SORL1: variants seen among roughly 807,000 people sequenced by gnomAD.
SORL1 encodes sortilin related receptor 1.
Under a neutral mutation model 273.7 loss-of-function variants are expected in SORL1, and 127 were observed. The ratio of observed to expected loss-of-function variants is 0.46; its 90% CI spans 0.40 to 0.54. The LOEUF is 0.54. Ranked by LOEUF, SORL1 falls within the 20% of genes least tolerant of loss-of-function variation. SORL1 has a pLI of 0.00. For synonymous variants in SORL1, 1,031 were observed against 1,067.4 expected, an observed-to-expected ratio of 0.97 and a Z score of 0.66; for missense variants, 2,494 against 2,846.1, an observed-to-expected ratio of 0.88 and a Z score of 2.81.
At chr11:121,558,459 A>T (rs978358167) in intron 19 of SORL1, 132 bp from the exon 20 acceptor site, 1 of 895,946 alleles carries the variant, frequency 1.1e-6, no homozygotes. Flanking sequence ...TTGTCATTAC[A>T]TATTGTTATA....
At chr11:121,484,643 C>A (rs1456276600) in intron 3 of SORL1, among the ~76,000 whole-genome samples, 1 of 151,734 alleles carries the variant, frequency 6.6e-6, no homozygotes, top group Non-Finnish European at 1.5e-5. Flanking sequence ...TCAAGTTTTG[C>A]GTATAGTAAA....
intron 25 of SORL1, among the ~76,000 whole-genome samples, chr11:121,582,126 G>C (rs1863022934): frequency 6.6e-6 from 1 of 152,230 alleles, no homozygotes; most frequent in African/African-American, 2.4e-5. Flanking sequence ...GGTCCTTGGA[G>C]AGATGGGAAG....
rs552722652 is a variant in SORL1 at position 121,546,186 on chromosome 11, G to A, written c.2051+757G>A. 5.3e-5 allele frequency among the ~76,000 whole-genome samples: 8 copies of A among 152,324 alleles called. No homozygotes were observed. The East Asian group carries it at 1.5e-3, about 29-fold the overall frequency. On this transcript the variant is annotated intron_variant, in intron 14 of 47. Transcript: ENST00000260197. ...GATGCCTTGTTGGGTGTATGACATG[G>A]GGATGACAATTGGAGATGAGGCTGA...
At chr11:121,509,489 T>A (rs1256136537) in intron 6 of SORL1, among the ~76,000 whole-genome samples, 4 of 152,206 alleles carry the variant, frequency 2.6e-5, no homozygotes, top group African/African-American at 9.6e-5. Context: ...TTATTTATTT[T>A]TTTTCTGAGA....
At chr11:121,559,741 A>G in intron 21 of SORL1, 84 bp downstream of exon 21, 1 of 1,287,936 alleles carries the variant, frequency 7.8e-7, no homozygotes, top group Non-Finnish European at 1.1e-6. Context: ...TCAGAGTAGG[A>G]GCTGGCAGCC....
At chr11:121,586,699 G>GC (rs1863118579) in intron 27 of SORL1, among the ~76,000 whole-genome samples, 1 of 10,520 alleles carries the variant, frequency 9.5e-5, no homozygotes, top group Non-Finnish European at 3.9e-4. Flanking sequence ...AGAGTGGGGG[G>GC]GGGGGCGGGG....
At chr11:121,541,465 C>G (rs1214182858) in intron 12 of SORL1, among the ~76,000 whole-genome samples, 3 of 152,192 alleles carry the variant, frequency 2.0e-5, no homozygotes, top group African/African-American at 7.2e-5. Context: ...CTGCCTTGGC[C>G]TCCCAAAGTG....
rs557271511 is a variant in SORL1, at chr11:121,622,787, A to T, written c.6171+519A>T. Among the ~76,000 whole-genome samples, 10 of 152,378 alleles carry T rather than the reference A, an allele frequency of 6.6e-5. No individual in the cohort carries two copies. In the East Asian group the frequency reaches 1.9e-3, roughly 29 times the overall value. On this transcript the variant is annotated intron_variant, in intron 45 of 47. Transcript: ENST00000260197. ...TGTTTGGTTTTGCTATTGGTAGGCC[A>T]ATATGGTATTCACAGCAAAAGACAG... is the stretch of plus-strand genomic sequence containing the variant.
At chr11:121,456,748 G>A (rs1281837011) in intron 1 of SORL1, among the ~76,000 whole-genome samples, 1 of 152,148 alleles carries the variant, frequency 6.6e-6, no homozygotes, top group East Asian at 1.9e-4. Flanking sequence ...CTTCCAACAA[G>A]CTCTCTCTTC....
In SORL1 at chr11:121,554,045, C is replaced by T; in HGVS notation, c.2375C>T (p.Ala792Val). The T allele has an allele frequency of 6.2e-7, 1 of 1,614,190 alleles. No individual in the cohort carries two copies. Among genetic ancestry groups the T allele is most frequent in the Non-Finnish European group, 8.5e-7 (1 of 1,180,022 alleles). The change falls in exon 17 of 48, where the codon GCC becomes GTC. Residue 792 changes from alanine to valine, a missense_variant. Around this residue, in one of 3 missense-constraint regions of SORL1, gnomAD observed 710 missense variants for 882.5 expected, o/e 0.80. Transcript: ENST00000260197. The surrounding 1 kb of genome is among the most constrained non-coding windows in gnomAD (Gnocchi z 4.6). The part of the protein sequence containing the change: ...LPLTGLRAAV[A>V]LDFDYEHNCL... ...CTCACCGGGCTACGGGCAGCAGTGG[C>T]CCTGGACTTTGACTATGAGCACAAC...
At chr11:121,541,210 T>TTTG (rs1555069250) in intron 12 of SORL1, among the ~76,000 whole-genome samples, 2 of 151,280 alleles carry the variant, frequency 1.3e-5, no homozygotes, top group Non-Finnish European at 2.9e-5. Context: ...TATCTTTTTT[T>TTTG]TTTTTTTTTA....
intron 2 of SORL1, among the ~76,000 whole-genome samples, chr11:121,471,195 C>T (rs1190372442): frequency 4.6e-5 from 7 of 152,112 alleles, no homozygotes; most frequent in East Asian, 1.9e-4. Flanking sequence ...CTTTGGGGAC[C>T]GGGAGAAGCA....
intron 32 of SORL1, among the ~76,000 whole-genome samples, chr11:121,597,419 A>T (rs1317577172): frequency 6.6e-6 from 1 of 150,754 alleles, no homozygotes; most frequent in Non-Finnish European, 1.5e-5. Context: ...GGCATTGATC[A>T]GGTTTCTGGC....
At chr11:121,467,726 A>G (rs1452936584) in intron 1 of SORL1, among the ~76,000 whole-genome samples, 10 of 152,148 alleles carry the variant, frequency 6.6e-5, no homozygotes, top group Admixed American at 5.2e-4. Context: ...AGAGGAGGAA[A>G]AGGGAAGGCT....
At position 121,469,159 on chromosome 11, in the gene SORL1, G is replaced by C. The variant is rs186988201; in HGVS notation, c.286-848G>C. ...TGGGGCTTTGGAGTCCTCTGAATGC[G>C]GCCTGCGGATGGGGAAAGAAAAGAG... On this transcript the variant is annotated intron_variant, in intron 1 of 47. Coordinates refer to ENST00000260197, the MANE Select transcript of SORL1 (RefSeq NM_003105.6). 9.6e-4 allele frequency among the ~76,000 whole-genome samples: 146 copies of C among 152,264 alleles called. 1 individual carries two copies. Among genetic ancestry groups the C allele is most frequent in the Non-Finnish European group, 1.9e-3 (131 of 68,032 alleles).
intron 22 of SORL1, among the ~76,000 whole-genome samples, chr11:121,569,236 C>T (rs1442448078): frequency 6.6e-6 from 1 of 152,100 alleles, no homozygotes; most frequent in African/African-American, 2.4e-5. Context: ...GCCTCAGGAC[C>T]CTGTGATGAT....
rs776011442 is a variant in SORL1, at chr11:121,577,320, C to A, written c.3500C>A (p.Ser1167Tyr). The A allele has an allele frequency of 2.5e-6, 4 of 1,613,104 alleles. No individual in the cohort carries two copies. The highest frequency in any genetic ancestry group is 3.4e-6 in the Non-Finnish European group (4 of 1,179,500). ...CGGAGTGACGAGTACAACTGCAGTT[C>A]CGGCATGTGCATCCGCTCCTCCTGG... ...QCRSDEYNCS[S>Y]GMCIRSSWVC... is the part of the protein sequence containing the mutation. The change falls in exon 25 of 48, where the codon TCC (serine) becomes TAC (tyrosine). Residue 1167 changes from serine to tyrosine, a missense_variant. This residue lies in a region of SORL1 where 1,609 missense variants were observed against 1,816.4 expected (regional missense o/e 0.89). Coordinates refer to ENST00000260197, the MANE Select transcript of SORL1 (RefSeq NM_003105.6).
rs138846404 is a variant in SORL1, at chr11:121,595,701, C to T, written c.4448C>T (p.Thr1483Met). 195 of 1,614,070 alleles carry T rather than the reference C, an allele frequency of 1.2e-4. No individual in the cohort carries two copies. The highest frequency in any genetic ancestry group is 9.6e-4 in the East Asian group (43 of 44,890). ...RFEFECHQPK[T>M]CIPNWKRCDG... ...GAGTTCGAATGCCACCAACCGAAGA[C>T]GTGTATTCCCAACTGGAAGCGCTGT... Residue 1483 changes from threonine to methionine, a missense_variant, in exon 32 of 48, where the codon ACG (threonine) becomes ATG (methionine). Coordinates refer to ENST00000260197, the MANE Select transcript of SORL1 (RefSeq NM_003105.6). This position sits in a 1 kb window ranked among gnomAD's most constrained non-coding sequence, Gnocchi z 5.1.
chr11:121,522,632 T>C lies in SORL1; in HGVS notation c.1451T>C (p.Leu484Pro). ...SLHLAQRLSQLLNLQLRRMPI... is the reference protein window; with the variant it reads ...SLHLAQRLSQPLNLQLRRMPI... ...CATCTGGCTCAGCGCCTCAGTCAGC[T>C]CCTCAACCTCCAGCTCCGGAGAATG... Residue 484 changes from leucine to proline, a missense_variant, in exon 10 of 48, where the codon CTC becomes CCC. Leu to Pro is a moderately conservative substitution (Grantham distance 98, BLOSUM62 -3). Coordinates refer to ENST00000260197, the MANE Select transcript of SORL1 (RefSeq NM_003105.6). 6.2e-7 allele frequency: 1 copy of C among 1,614,208 alleles called. No homozygotes were observed. Among genetic ancestry groups the C allele is most frequent in the Non-Finnish European group, 8.5e-7 (1 of 1,180,020 alleles).
Sources: allele counts gnomAD v4.1 joint callset (sites outside exome capture counted in the v4.1 genomes callset), GRCh38; gene constraint gnomAD v4.1.1; regional missense constraint gnomAD v4.1.1; non-coding constraint Gnocchi (gnomAD v3.1); transcripts MANE v1.5; gene names NCBI Gene and HGNC (gene_info 2026-07-23, HGNC 2026-07-21).